CHSY1: variants seen among roughly 807,000 people sequenced by gnomAD.
CHSY1 encodes chondroitin sulfate synthase 1.
Under a neutral mutation model 59.8 loss-of-function variants are expected in CHSY1, and 13 were observed. That is an observed-to-expected ratio of 0.22 (90% CI 0.14 to 0.35). CHSY1 has a LOEUF of 0.35. Among genes scored for constraint, CHSY1 ranks in the 10% least tolerant of loss-of-function variants. The pLI, the probability that CHSY1 is intolerant of heterozygous loss-of-function variation, is 1.00. For missense variants in CHSY1, 947 were observed against 1,030.6 expected (o/e 0.92, Z 1.11); for synonymous variants, 459 against 401.2 (o/e 1.14, Z -1.72).
intron 2 of CHSY1, among the ~76,000 whole-genome samples, chr15:101,216,183 C>T (rs1457098406): frequency 1.4e-5 from 2 of 140,676 alleles, no homozygotes. Flanking sequence ...CTTCCTAAAA[C>T]AAAAATGAGA....
At chr15:101,210,827 C>G (rs899350217) in intron 2 of CHSY1, among the ~76,000 whole-genome samples, 1 of 152,024 alleles carries the variant, frequency 6.6e-6, no homozygotes, top group Non-Finnish European at 1.5e-5. Context: ...ACTAAACATG[C>G]CAGCTGTTTA....
At chr15:101,212,447 T>A (rs1005534623) in intron 2 of CHSY1, among the ~76,000 whole-genome samples, 1 of 152,198 alleles carries the variant, frequency 6.6e-6, no homozygotes, top group Non-Finnish European at 1.5e-5. Flanking sequence ...TAAAAAGGAA[T>A]GAGCAACTGA....
At chr15:101,244,461 C>G (rs1298834789) in intron 1 of CHSY1, among the ~76,000 whole-genome samples, 1 of 152,208 alleles carries the variant, frequency 6.6e-6, no homozygotes, top group East Asian at 1.9e-4. Context: ...ACCTCCACAC[C>G]AGCAGCCTAA....
chr15:101,226,172 C>G (rs1596448955), intron 2 of CHSY1, among the ~76,000 whole-genome samples: 1 of 152,156 alleles, frequency 6.6e-6, no homozygotes, highest in Non-Finnish European at 1.5e-5. Flanking sequence ...AAAGCATATT[C>G]AAGTATTTGT....
intron 2 of CHSY1, among the ~76,000 whole-genome samples, chr15:101,181,400 C>G (rs549349901): frequency 6.6e-6 from 1 of 152,316 alleles, no homozygotes; most frequent in African/African-American, 2.4e-5. Flanking sequence ...ACAATGAACA[C>G]GAAGAACCAT....
chr15:101,251,118 C>T lies in CHSY1; in HGVS notation c.320+19G>A. On this transcript the variant is annotated intron_variant, in intron 1 of 2. Transcript: ENST00000254190. ...GGATGCCGGACGCAGGAGGCGGTGC[C>T]CGGGGAGCAGGGGCTCACCTGTAGG... 1 of 1,560,350 alleles carries T rather than the reference C, an allele frequency of 6.4e-7. No homozygotes were observed. The highest frequency in any genetic ancestry group is 8.6e-7 in the Non-Finnish European group (1 of 1,157,656).
rs57619889 is a variant in CHSY1, at chr15:101,179,676, C to A, written c.817-696G>T. The stretch of plus-strand genomic sequence containing the variant: ...GGCAGGAGCGGGCCTGCTTGCTCAG[C>A]ACGGGGTCTCCGGCACCAGCACGGA... On this transcript the variant is annotated intron_variant, in intron 2 of 2. Coordinates refer to ENST00000254190, the MANE Select transcript of CHSY1 (RefSeq NM_014918.5). Among the ~76,000 whole-genome samples, 635 of 152,338 alleles carry A rather than the reference C, an allele frequency of 4.2e-3. 2 individuals are homozygous for A. The highest frequency in any genetic ancestry group is 0.014 in the African/African-American group (593 of 41,578).
At chr15:101,208,727 A>G (rs952719838) in intron 2 of CHSY1, among the ~76,000 whole-genome samples, 1 of 151,684 alleles carries the variant, frequency 6.6e-6, no homozygotes. Flanking sequence ...AAAAAAAAAA[A>G]AGAGATACAG....
At chr15:101,211,432 G>A (rs1258762678) in intron 2 of CHSY1, among the ~76,000 whole-genome samples, 1 of 152,108 alleles carries the variant, frequency 6.6e-6, no homozygotes, top group Non-Finnish European at 1.5e-5. Context: ...ATCTTAGAGT[G>A]AAAAAGAATA....
intron 2 of CHSY1, among the ~76,000 whole-genome samples, chr15:101,193,372 G>C (rs978904334): frequency 3.3e-5 from 5 of 152,218 alleles, no homozygotes; most frequent in African/African-American, 4.8e-5. Context: ...CAGCAGTGAG[G>C]GGGCCAGGGA....
Position 101,243,534 on chromosome 15 carries a change from A to ATG in CHSY1, c.320+7602_320+7603insCA, listed in dbSNP as rs2039023021. Among the ~76,000 whole-genome samples the ATG allele has an allele frequency of 3.3e-5, 5 of 152,262 alleles. 1 individual carries two copies. In the Middle Eastern group the frequency reaches 0.01, roughly 311 times the overall value. On this transcript the variant is annotated intron_variant, in intron 1 of 2. Coordinates refer to ENST00000254190, the MANE Select transcript of CHSY1 (RefSeq NM_014918.5). ...CAGTCACCAGCCACCCTGGCCCCAC[A>ATG]GCCTCCACACTGGCTTTCCATCCCA...
At position 101,177,768 on chromosome 15, in the gene CHSY1, T is replaced by C. The variant is rs747715647; in HGVS notation, c.2029A>G (p.Asn677Asp). The change falls in exon 3 of 3, where the codon AAC becomes GAC. Residue 677 changes from asparagine (N) to aspartate (D), a missense_variant. Transcript: ENST00000254190. ...GTTTTCTGAGTAAAGGCAAAATGGT[T>C]GTCACTGGGAACTTTCCCACTATAA... ...IVYSGKVPSD[N>D]HFAFTQKTGF... 1.2e-5 allele frequency: 19 copies of C among 1,614,230 alleles called. No homozygotes were observed. The highest frequency in any genetic ancestry group is 1.5e-5 in the Non-Finnish European group (18 of 1,180,038).
chr15:101,251,445 G>A lies in CHSY1; in HGVS notation c.12C>T (p.Arg4=), dbSNP rs1483256883. The change falls in exon 1 of 3, where the codon CGC becomes CGT. Residue 4 remains arginine, a synonymous_variant. Coordinates refer to ENST00000254190, the MANE Select transcript of CHSY1 (RefSeq NM_014918.5). The part of the protein sequence containing the change: MAA[R]GRRAWLSVLL... ...GCACGCTGAGCCAGGCGCGCCGGCCGCGCGCGGCCATGCCCGCGCCGCTCC... is the reference window on the plus strand; with the variant it reads ...GCACGCTGAGCCAGGCGCGCCGGCCACGCGCGGCCATGCCCGCGCCGCTCC... The A allele has an allele frequency of 9.5e-7, 1 of 1,048,370 alleles. No homozygotes were observed. Among genetic ancestry groups the A allele is most frequent in the Non-Finnish European group, 1.2e-6 (1 of 865,756 alleles). The allele number at this position is 1,048,370 out of a possible 1,614,324, so 64.9% of individuals were successfully genotyped here.
chr15:101,225,924 A>G (rs185635892), intron 2 of CHSY1, among the ~76,000 whole-genome samples: 1 of 152,004 alleles, frequency 6.6e-6, no homozygotes, highest in African/African-American at 2.4e-5. Flanking sequence ...TGTCGATCCC[A>G]CCTCCTGAGA....
chr15:101,220,542 C>T (rs1227985818), intron 2 of CHSY1, among the ~76,000 whole-genome samples: 2 of 152,184 alleles, frequency 1.3e-5, no homozygotes, highest in Non-Finnish European at 2.9e-5. Context: ...CCAGTCACTT[C>T]CCCTCACCTC....
chr15:101,188,517 T>C (rs1284564363), intron 2 of CHSY1, among the ~76,000 whole-genome samples: 1 of 152,008 alleles, frequency 6.6e-6, no homozygotes, highest in Admixed American at 6.6e-5. Flanking sequence ...CCAATTTTCA[T>C]CTAATTAAGT....
At chr15:101,197,830 T>C (rs1884599931) in intron 2 of CHSY1, among the ~76,000 whole-genome samples, 1 of 152,196 alleles carries the variant, frequency 6.6e-6, no homozygotes, top group South Asian at 2.1e-4. Context: ...AACTACATTG[T>C]GCAATAGCAT....
intron 2 of CHSY1, among the ~76,000 whole-genome samples, chr15:101,194,451 T>C (rs1431747490): frequency 2.6e-5 from 4 of 152,246 alleles, no homozygotes; most frequent in African/African-American, 9.6e-5. Context: ...AATTGCATTT[T>C]CAATTGTAAT....
At chr15:101,185,412 A>ACCCTCC (rs879788217) in intron 2 of CHSY1, among the ~76,000 whole-genome samples, 91,162 of 113,430 alleles carry the variant, frequency 0.8, 40,575 homozygotes, top group Middle Eastern at 0.85. Context: ...GAGTGTGAAC[A>ACCCTCC]ACCTCCATGG....
Sources: gnomAD v4.1 joint callset for allele counts (sites outside exome capture counted in the v4.1 genomes callset) on GRCh38, gnomAD v4.1.1 for gene constraint, MANE v1.5 for transcripts, NCBI Gene and HGNC (gene_info 2026-07-23, HGNC 2026-07-21) for gene names.